TAFA2: variants seen among roughly 807,000 people sequenced by gnomAD.
TAFA2 encodes chemokine-like protein TAFA-2.
Under a neutral mutation model 18.8 loss-of-function variants are expected in TAFA2, and 7 were observed. That is an observed-to-expected ratio of 0.37 (90% CI 0.21 to 0.70). The LOEUF (loss-of-function observed/expected upper bound fraction) is 0.70. Among genes scored for constraint, TAFA2 ranks in the 30% least tolerant of loss-of-function variants. The pLI, the probability that TAFA2 is intolerant of heterozygous loss-of-function variation, is 0.53. For missense variants in TAFA2, 122 were observed against 158.1 expected (o/e 0.77, Z 1.23); for synonymous variants, 60 against 54.2 (o/e 1.11, Z -0.47).
chr12:61,939,689 C>G (rs1348503147), intron 1 of TAFA2, among the ~76,000 whole-genome samples: 1 of 152,096 alleles, frequency 6.6e-6, no homozygotes, highest in East Asian at 1.9e-4. Context: ...ATGTTATTAT[C>G]AAGAGCATTT....
intron 1 of TAFA2, among the ~76,000 whole-genome samples, chr12:61,900,840 T>C (rs974294463): frequency 2.6e-5 from 4 of 152,258 alleles, no homozygotes; most frequent in African/African-American, 9.6e-5. Context: ...GATTAATGTT[T>C]GTTTTTTAAT....
intron 2 of TAFA2, among the ~76,000 whole-genome samples, chr12:61,840,845 G>A (rs1873140988): frequency 6.6e-6 from 1 of 152,134 alleles, no homozygotes; most frequent in Non-Finnish European, 1.5e-5. Flanking sequence ...AGGGTCATGA[G>A]GGAAATTTAG....
At chr12:61,968,951 T>C (rs985184552) in intron 1 of TAFA2, among the ~76,000 whole-genome samples, 7 of 151,718 alleles carry the variant, frequency 4.6e-5, no homozygotes, top group African/African-American at 1.4e-4. Flanking sequence ...TGAAGGAGTT[T>C]GCTGATCACT....
intron 1 of TAFA2, among the ~76,000 whole-genome samples, chr12:61,873,201 T>C (rs1015822201): frequency 6.6e-6 from 1 of 152,120 alleles, no homozygotes; most frequent in Non-Finnish European, 1.5e-5. Flanking sequence ...TACATATTGG[T>C]GGAGCAATAG....
At chr12:62,135,575 CATT>C (rs5798634) in intron 1 of TAFA2, among the ~76,000 whole-genome samples, 72,744 of 151,356 alleles carry the variant, frequency 0.48, 17,760 homozygotes, top group African/African-American at 0.52. Context: ...TAAAATTAAA[CATT>C]AGAAAAAAAC....
intron 1 of TAFA2, among the ~76,000 whole-genome samples, chr12:62,167,978 T>G (rs770816574): frequency 6.6e-5 from 10 of 152,324 alleles, no homozygotes; most frequent in South Asian, 2.1e-4. Flanking sequence ...ATTCTATAAA[T>G]TCATAATCAT....
At chr12:62,244,872 A>G (rs1423491048) in intron 1 of TAFA2, among the ~76,000 whole-genome samples, 1 of 152,100 alleles carries the variant, frequency 6.6e-6, no homozygotes, top group African/African-American at 2.4e-5. Flanking sequence ...TGGTAAATTT[A>G]TCTATCTTTT....
At chr12:61,767,115 A>G (rs1389646211) in intron 2 of TAFA2, among the ~76,000 whole-genome samples, 1 of 152,126 alleles carries the variant, frequency 6.6e-6, no homozygotes, top group African/African-American at 2.4e-5. Context: ...GCATGTTTAT[A>G]TTGTTATATT....
intron 1 of TAFA2, among the ~76,000 whole-genome samples, chr12:62,007,356 G>C (rs1179091983): frequency 1.3e-5 from 2 of 152,046 alleles, no homozygotes. Context: ...TATATTACTT[G>C]TTACTATCAA....
At chr12:61,782,205 A>T (rs1000081465) in intron 2 of TAFA2, among the ~76,000 whole-genome samples, 1 of 151,682 alleles carries the variant, frequency 6.6e-6, no homozygotes, top group Non-Finnish European at 1.5e-5. Flanking sequence ...AGTTCAGGCC[A>T]TGATGAGAAG....
At chr12:61,916,867 A>G (rs993294035) in intron 1 of TAFA2, among the ~76,000 whole-genome samples, 3 of 152,328 alleles carry the variant, frequency 2.0e-5, no homozygotes, top group African/African-American at 7.2e-5. Flanking sequence ...GGAAGGATAT[A>G]TTTCAGGTTT....
rs148575845 is a variant in TAFA2 at position 61,953,720 on chromosome 12, A to G, written c.-1-86294T>C. On this transcript the variant is annotated intron_variant, in intron 1 of 4. Transcript: ENST00000416284. Reference sequence around the variant, plus strand: ...GGAGTCTGCCTCAGCATCTTCCCCAACCTTGAAGCTCCTCATCCACCAAAA... The same window carrying G: ...GGAGTCTGCCTCAGCATCTTCCCCAGCCTTGAAGCTCCTCATCCACCAAAA... Among the ~76,000 whole-genome samples the G allele has an allele frequency of 8.5e-5, 13 of 152,224 alleles. No individual in the cohort carries two copies. In the East Asian group the frequency reaches 2.3e-3, roughly 27 times the overall value.
At chr12:61,797,535 T>C (rs539871239) in intron 2 of TAFA2, among the ~76,000 whole-genome samples, 1 of 151,648 alleles carries the variant, frequency 6.6e-6, no homozygotes, top group Non-Finnish European at 1.5e-5. Flanking sequence ...TTGGCCTAGA[T>C]CAGCTGGGCA....
At chr12:62,157,801 C>A (rs1216419337) in intron 1 of TAFA2, among the ~76,000 whole-genome samples, 1 of 152,180 alleles carries the variant, frequency 6.6e-6, no homozygotes, top group Non-Finnish European at 1.5e-5. Context: ...ATACAATTTA[C>A]CATTATCTGT....
chr12:62,058,625 C>T (rs959815246), intron 1 of TAFA2, among the ~76,000 whole-genome samples: 18 of 151,806 alleles, frequency 1.2e-4, no homozygotes, highest in African/African-American at 3.9e-4. Context: ...TCACCTCCCC[C>T]CTTTTTTTTC....
At chr12:62,202,976 G>C (rs984267465) in intron 1 of TAFA2, among the ~76,000 whole-genome samples, 5 of 151,806 alleles carry the variant, frequency 3.3e-5, no homozygotes, top group African/African-American at 1.2e-4. Flanking sequence ...AAAGGCACAT[G>C]CCAACATGCC....
upstream of TAFA2, among the ~76,000 whole-genome samples, chr12:62,196,283 G>A (rs1348157836): frequency 6.6e-6 from 1 of 152,182 alleles, no homozygotes; most frequent in African/African-American, 2.4e-5. Context: ...CTCTATGTCA[G>A]CAATAAGACT....
intron 1 of TAFA2, among the ~76,000 whole-genome samples, chr12:62,238,906 C>T (rs1332182231): frequency 6.6e-6 from 1 of 152,220 alleles, no homozygotes; most frequent in Non-Finnish European, 1.5e-5. Context: ...TCTGCCACTG[C>T]AGCTTCCTCT....
chr12:62,106,560 T>A (rs576233098), intron 1 of TAFA2, among the ~76,000 whole-genome samples: 1 of 152,272 alleles, frequency 6.6e-6, no homozygotes, highest in African/African-American at 2.4e-5. Context: ...TTCTAAAATC[T>A]GCCCTCCAAT....
Sources: allele counts gnomAD v4.1 joint callset (sites outside exome capture counted in the v4.1 genomes callset), GRCh38; gene constraint gnomAD v4.1.1; transcripts MANE v1.5; gene names NCBI Gene and HGNC (gene_info 2026-07-23, HGNC 2026-07-21).